CA10: variants seen among roughly 807,000 people sequenced by gnomAD.
The protein encoded by CA10 is carbonic anhydrase-related protein 10.
Under a neutral mutation model 44.2 loss-of-function variants are expected in CA10, and 14 were observed. The observed-to-expected ratio is 0.32, with a 90% confidence interval of 0.21 to 0.50. CA10 has a LOEUF of 0.50. Among genes scored for constraint, CA10 ranks in the 20% least tolerant of loss-of-function variants. The pLI, the probability that CA10 is intolerant of heterozygous loss-of-function variation, is 0.99. For synonymous variants in CA10, 159 were observed against 141.6 expected, an observed-to-expected ratio of 1.12 and a Z score of -0.87; for missense variants, 350 against 409.7, an observed-to-expected ratio of 0.85 and a Z score of 1.26.
intron 2 of CA10, among the ~76,000 whole-genome samples, chr17:51,986,611 T>G (rs1171581397): frequency 1.3e-5 from 2 of 151,926 alleles, no homozygotes; most frequent in African/African-American, 4.8e-5. Context: ...TCTATACATT[T>G]GACAAAAGAA....
chr17:52,070,445 AG>A (rs1408429009), intron 2 of CA10: 11 of 152,152 alleles, frequency 7.2e-5, no homozygotes. Context: ...AAACCTCACA[AG>A]GCTGATTTAG....
intron 3 of CA10, among the ~76,000 whole-genome samples, chr17:51,884,968 T>C (rs1242127478): frequency 2.0e-5 from 3 of 152,176 alleles, no homozygotes; most frequent in African/African-American, 7.2e-5. Flanking sequence ...ATATCAGTCA[T>C]TGAAATTAGT....
chr17:52,059,544 G>A (rs191729999), intron 2 of CA10, among the ~76,000 whole-genome samples: 141 of 152,150 alleles, frequency 9.3e-4, no homozygotes, highest in Non-Finnish European at 1.5e-3. Flanking sequence ...AAAATTCAAT[G>A]GCTGAATTAG....
At chr17:51,891,005 A>G (rs1980832100) in intron 3 of CA10, among the ~76,000 whole-genome samples, 2 of 152,206 alleles carry the variant, frequency 1.3e-5, no homozygotes. Context: ...ACAATAGTTC[A>G]GGAAAGATGG....
chr17:51,709,249 T>C (rs1313775110), intron 4 of CA10, among the ~76,000 whole-genome samples: 1 of 152,202 alleles, frequency 6.6e-6, no homozygotes. Flanking sequence ...AATCCCTCTC[T>C]TGAAGCTTGA....
At chr17:51,908,516 G>C (rs1440109981) in intron 3 of CA10, among the ~76,000 whole-genome samples, 1 of 152,160 alleles carries the variant, frequency 6.6e-6, no homozygotes, top group African/African-American at 2.4e-5. Flanking sequence ...CTGCCTGCTA[G>C]ATTTGATTTT....
intron 3 of CA10, among the ~76,000 whole-genome samples, chr17:51,919,252 T>C (rs1982128498): frequency 6.6e-6 from 1 of 152,132 alleles, no homozygotes; most frequent in South Asian, 2.1e-4. Context: ...GTGTCTGAGG[T>C]TTACATAGAA....
intron 1 of CA10, among the ~76,000 whole-genome samples, chr17:52,135,443 T>A (rs914173925): frequency 2.0e-5 from 3 of 152,160 alleles, no homozygotes; most frequent in Admixed American, 2.0e-4. Context: ...ATGCTACCAT[T>A]TTTTTTGTAC....
chr17:51,652,680 G>A lies in CA10; in HGVS notation c.561+961C>T, dbSNP rs115585566. Among the ~76,000 whole-genome samples, 455 of 152,294 alleles carry A rather than the reference G, an allele frequency of 3.0e-3. 5 individuals are homozygous for A. In the Middle Eastern group the frequency reaches 0.034, roughly 11 times the overall value. On this transcript the variant is annotated intron_variant, in intron 5 of 8. Transcript: ENST00000451037. Reference sequence around the variant, plus strand: ...CACGGGGTAATTCTTTTGTGGGGGCGGGGAGAGGGATCAGTGCCCCAGGTG... The same window carrying A: ...CACGGGGTAATTCTTTTGTGGGGGCAGGGAGAGGGATCAGTGCCCCAGGTG...
At chr17:51,724,180 A>G (rs1185596402) in intron 4 of CA10, among the ~76,000 whole-genome samples, 2 of 152,246 alleles carry the variant, frequency 1.3e-5, no homozygotes, top group Non-Finnish European at 2.9e-5. Context: ...AGTTTCTATT[A>G]CTGTCCTTGC....
chr17:52,050,245 G>A (rs967361327), intron 2 of CA10, among the ~76,000 whole-genome samples: 3 of 151,734 alleles, frequency 2.0e-5, no homozygotes, highest in African/African-American at 7.2e-5. Context: ...TTCATCCTTC[G>A]TTGCTTTTTT....
chr17:52,071,541 C>T lies in CA10; in HGVS notation c.136+778G>A, dbSNP rs557048342. On this transcript the variant is annotated intron_variant, in intron 2 of 8. Transcript: ENST00000451037. ...CACCAACTACAGAGACCTCAACTGA[C>T]ATCTCCAGCCCTCTGCTTTCAGTGC... Among the ~76,000 whole-genome samples the T allele has an allele frequency of 3.3e-5, 5 of 152,332 alleles. No homozygotes were observed. In the East Asian group the frequency reaches 7.7e-4, roughly 24 times the overall value.
At chr17:52,045,644 A>T (rs1986892933) in intron 2 of CA10, among the ~76,000 whole-genome samples, 2 of 152,024 alleles carry the variant, frequency 1.3e-5, no homozygotes, top group African/African-American at 4.8e-5. Context: ...GAAATATGCA[A>T]ATCCACAAGG....
intron 4 of CA10, among the ~76,000 whole-genome samples, chr17:51,660,872 A>C (rs1268358349): frequency 6.6e-6 from 1 of 151,630 alleles, no homozygotes; most frequent in Admixed American, 6.6e-5. Flanking sequence ...TCCCTTATAT[A>C]CTGGGCTTCC....
Position 51,631,575 on chromosome 17 carries a change from C to G in CA10, c.*9G>C. On this transcript the variant is annotated 3_prime_UTR_variant, in exon 9 of 9. Coordinates refer to ENST00000451037, the MANE Select transcript of CA10 (RefSeq NM_020178.5). ...TTCACTGAGGTGGGATTCTTCTTGG[C>G]TTTGTTCCCTACTTGAGGAGCCATT... 6.2e-7 allele frequency: 1 copy of G among 1,612,166 alleles called. No individual in the cohort carries two copies. The highest frequency in any genetic ancestry group is 8.5e-7 in the Non-Finnish European group (1 of 1,178,492).
intron 2 of CA10, among the ~76,000 whole-genome samples, chr17:51,986,946 G>A (rs2144097036): frequency 6.6e-6 from 1 of 152,092 alleles, no homozygotes; most frequent in Admixed American, 6.6e-5. Context: ...GAAAACTGTG[G>A]AGATTCCTTA....
chr17:51,953,104 G>C (rs1697285213), intron 2 of CA10, among the ~76,000 whole-genome samples: 1 of 152,084 alleles, frequency 6.6e-6, no homozygotes, highest in Non-Finnish European at 1.5e-5. Flanking sequence ...TTAAATCACT[G>C]TGTGGTTTGT....
intron 2 of CA10, among the ~76,000 whole-genome samples, chr17:51,938,557 G>C (rs1018426015): frequency 2.0e-5 from 3 of 152,080 alleles, no homozygotes; most frequent in African/African-American, 7.2e-5. Flanking sequence ...CAGTGATATG[G>C]GTCATCCAAT....
chr17:52,054,424 G>A (rs2319642), intron 2 of CA10, among the ~76,000 whole-genome samples: 150,852 of 152,212 alleles, frequency 0.99, 74,767 homozygotes, highest in East Asian at 1. Context: ...ATGACAATGC[G>A]TGCCCGAAAC....
Sources: gnomAD v4.1 joint callset for allele counts (sites outside exome capture counted in the v4.1 genomes callset) on GRCh38, gnomAD v4.1.1 for gene constraint, MANE v1.5 for transcripts, NCBI Gene and HGNC (gene_info 2026-07-23, HGNC 2026-07-21) for gene names.